The following CNTNAP2 variants were observed in gnomAD, a reference collection of about 807,000 sequenced individuals.
CNTNAP2 encodes contactin-associated protein-like 2.
In CNTNAP2, 98 loss-of-function variants were observed where a neutral mutation model predicts 155.2. That is an observed-to-expected ratio of 0.63 (90% confidence interval 0.54 to 0.75). The LOEUF is 0.75. Ranked by LOEUF, CNTNAP2 falls within the 30% of genes least tolerant of loss-of-function variation. CNTNAP2 has a pLI of 0.00. For synonymous variants in CNTNAP2, 651 were observed against 631.2 expected (o/e 1.03, Z -0.47); for missense variants, 1,727 against 1,688.1 (o/e 1.02, Z -0.40).
At chr7:148,373,482 A>G (rs986091388) in intron 21 of CNTNAP2, among the ~76,000 whole-genome samples, 4 of 152,180 alleles carry the variant, frequency 2.6e-5, no homozygotes, top group African/African-American at 9.6e-5. Context: ...AAAAAGAAGT[A>G]TACTCTAAAA....
At chr7:147,177,064 C>T (rs1328106070) in intron 8 of CNTNAP2, among the ~76,000 whole-genome samples, 1 of 144,490 alleles carries the variant, frequency 6.9e-6, no homozygotes. Flanking sequence ...CTGTATAATA[C>T]ATACACACGT....
At chr7:147,862,019 A>AAAAAC (rs1799143538) in intron 13 of CNTNAP2, among the ~76,000 whole-genome samples, 1 of 123,816 alleles carries the variant, frequency 8.1e-6, no homozygotes, top group Non-Finnish European at 1.8e-5. Flanking sequence ...AAAAAAAAAA[A>AAAAAC]AAAATTAAGA....
At chr7:146,471,999 C>T (rs1398024838) in intron 1 of CNTNAP2, among the ~76,000 whole-genome samples, 1 of 151,998 alleles carries the variant, frequency 6.6e-6, no homozygotes, top group Non-Finnish European at 1.5e-5. Context: ...TGAAAATGTC[C>T]CCAAAGTAGT....
At chr7:146,950,284 C>G (rs888883670) in intron 3 of CNTNAP2, among the ~76,000 whole-genome samples, 7 of 152,012 alleles carry the variant, frequency 4.6e-5, no homozygotes, top group Non-Finnish European at 1.0e-4. Flanking sequence ...TTTTGCCATT[C>G]TTTATGCAGA....
chr7:147,658,256 CAAAAA>C (rs11358943), intron 13 of CNTNAP2, among the ~76,000 whole-genome samples: 3 of 95,366 alleles, frequency 3.1e-5, no homozygotes, highest in Non-Finnish European at 2.3e-5. Context: ...GACTCCGTCC[CAAAAA>C]AAAAAAAAAA....
intron 3 of CNTNAP2, among the ~76,000 whole-genome samples, chr7:147,019,708 C>G (rs897807210): frequency 2.6e-5 from 4 of 152,080 alleles, no homozygotes; most frequent in African/African-American, 9.7e-5. Context: ...CCCTAGTCAA[C>G]ATGGTTCAAA....
chr7:148,046,278 C>T (rs1298634753), intron 15 of CNTNAP2, among the ~76,000 whole-genome samples: 1 of 152,042 alleles, frequency 6.6e-6, no homozygotes, highest in Non-Finnish European at 1.5e-5. Context: ...ATATGAAAGG[C>T]AAAATCTGTT....
At chr7:148,022,551 T>C (rs1230166741) in intron 15 of CNTNAP2, among the ~76,000 whole-genome samples, 3 of 151,804 alleles carry the variant, frequency 2.0e-5, no homozygotes, top group Non-Finnish European at 4.4e-5. Context: ...TAAGTAATAG[T>C]CTTAGTGACC....
intron 10 of CNTNAP2, among the ~76,000 whole-genome samples, chr7:147,417,089 CAAA>C (rs3050513): frequency 3.2e-4 from 41 of 126,268 alleles, no homozygotes; most frequent in Admixed American, 4.0e-4. Flanking sequence ...ACTCTGGTCT[CAAA>C]AAAAAAAAAA....
At chr7:147,930,126 A>G (rs1348574312) in intron 14 of CNTNAP2, among the ~76,000 whole-genome samples, 1 of 152,172 alleles carries the variant, frequency 6.6e-6, no homozygotes, top group Non-Finnish European at 1.5e-5. Context: ...TACAAAAGAA[A>G]AACAGAAAGA....
chr7:147,603,062 C>T (rs2116863768), intron 12 of CNTNAP2, among the ~76,000 whole-genome samples: 1 of 151,998 alleles, frequency 6.6e-6, no homozygotes, highest in East Asian at 2.0e-4. Context: ...AATCGCCACA[C>T]TGACTTCCAC....
chr7:148,296,527 C>T (rs1393956475), intron 21 of CNTNAP2, among the ~76,000 whole-genome samples: 1 of 106,060 alleles, frequency 9.4e-6, no homozygotes, highest in East Asian at 3.1e-4. Flanking sequence ...GCCTGGGAAA[C>T]AGAGCAAGAC....
intron 5 of CNTNAP2, among the ~76,000 whole-genome samples, chr7:147,111,880 A>C (rs535392833): frequency 6.6e-6 from 1 of 152,212 alleles, no homozygotes; most frequent in African/African-American, 2.4e-5. Flanking sequence ...ATTTTTAAAT[A>C]GTTTTTTTAA....
chr7:147,657,257 C>CA (rs147676635), intron 13 of CNTNAP2, among the ~76,000 whole-genome samples: 18,311 of 152,108 alleles, frequency 0.12, 1,437 homozygotes, highest in Middle Eastern at 0.24. Context: ...AGTTGACTGT[C>CA]ATCACTAAAT....
chr7:147,418,193 A>G (rs1014268281), intron 10 of CNTNAP2, among the ~76,000 whole-genome samples: 2 of 152,220 alleles, frequency 1.3e-5, no homozygotes, highest in African/African-American at 2.4e-5. Context: ...TTCTACAATA[A>G]AAGATTCATT....
At chr7:147,852,293 T>C (rs368797680) in intron 13 of CNTNAP2, among the ~76,000 whole-genome samples, 23 of 152,308 alleles carry the variant, frequency 1.5e-4, no homozygotes, top group African/African-American at 5.3e-4. Flanking sequence ...CCATCCACTC[T>C]TCCTATTTTG....
chr7:146,493,611 T>C (rs1797170595), intron 1 of CNTNAP2, among the ~76,000 whole-genome samples: 2 of 152,022 alleles, frequency 1.3e-5, no homozygotes, highest in African/African-American at 4.8e-5. Context: ...AGCCCAGGTG[T>C]ACAAAATCAA....
chr7:146,455,942 T>C (rs1292817465), intron 1 of CNTNAP2, among the ~76,000 whole-genome samples: 2 of 152,202 alleles, frequency 1.3e-5, no homozygotes, highest in African/African-American at 4.8e-5. Context: ...GAGCCACTTA[T>C]GCTGTTATAA....
At chr7:147,039,431 A>G (rs912970005) in intron 3 of CNTNAP2, among the ~76,000 whole-genome samples, 1 of 152,128 alleles carries the variant, frequency 6.6e-6, no homozygotes, top group South Asian at 2.1e-4. Flanking sequence ...AGTTCTCATC[A>G]TTTAGCTCCC....
Sources: gnomAD v4.1 joint callset for allele counts (sites outside exome capture counted in the v4.1 genomes callset) on GRCh38, gnomAD v4.1.1 for gene constraint, MANE v1.5 for transcripts, NCBI Gene and HGNC (gene_info 2026-07-23, HGNC 2026-07-21) for gene names.